The following MSRA variants were observed in gnomAD, a reference collection of about 807,000 sequenced individuals.
MSRA encodes the protein methionine sulfoxide reductase A, also known as mitochondrial peptide methionine sulfoxide reductase.
MSRA carries 54 observed loss-of-function variants against 31.3 expected under a neutral mutation model. The ratio of observed to expected loss-of-function variants is 1.73; its 90% CI spans 1.39 to 2.17. MSRA has a LOEUF of 2.17. Ranked by LOEUF, MSRA falls within the 30% of genes most tolerant of loss-of-function variation. The pLI is 0.00. For missense variants in MSRA, 507 were observed against 300.9 expected (o/e 1.69, Z -5.07); for synonymous variants, 169 against 116.5 (o/e 1.45, Z -2.90).
intron 1 of MSRA, among the ~76,000 whole-genome samples, chr8:10,200,658 G>A (rs112032667): frequency 6.6e-6 from 1 of 152,172 alleles, no homozygotes; most frequent in South Asian, 2.1e-4. Context: ...CCAGCACCAT[G>A]TTTGTCCCCA....
At chr8:10,327,719 G>A (rs1290358198) in intron 5 of MSRA, among the ~76,000 whole-genome samples, 3 of 152,164 alleles carry the variant, frequency 2.0e-5, no homozygotes, top group South Asian at 2.1e-4. Flanking sequence ...GGATCATAAG[G>A]TCAGGAGATC....
intron 1 of MSRA, among the ~76,000 whole-genome samples, chr8:10,062,270 A>G (rs1018710719): frequency 6.6e-6 from 1 of 152,314 alleles, no homozygotes; most frequent in South Asian, 2.1e-4. Context: ...CTCCTGTTTC[A>G]GCTGACATCG....
intron 2 of MSRA, among the ~76,000 whole-genome samples, chr8:10,222,677 C>T (rs1379925084): frequency 6.6e-6 from 1 of 152,120 alleles, no homozygotes; most frequent in Non-Finnish European, 1.5e-5. Context: ...GAAATCCTGT[C>T]GTTGGCAACA....
chr8:10,276,837 C>T (rs995374790), intron 3 of MSRA, among the ~76,000 whole-genome samples: 8 of 152,118 alleles, frequency 5.3e-5, no homozygotes, highest in Non-Finnish European at 8.8e-5. Flanking sequence ...CCCACCTCCC[C>T]GAGGTCTACA....
chr8:10,128,321 C>G (rs6601416), intron 1 of MSRA, among the ~76,000 whole-genome samples: 132,642 of 151,830 alleles, frequency 0.87, 58,172 homozygotes, highest in East Asian at 0.96. Flanking sequence ...GGAGGTTGCC[C>G]TGAGCCGAGA....
intron 1 of MSRA, among the ~76,000 whole-genome samples, chr8:10,068,780 T>TGG (rs1490261087): frequency 2.6e-5 from 4 of 152,186 alleles, no homozygotes; most frequent in African/African-American, 9.7e-5. Context: ...CCTTTCCATA[T>TGG]AAAGTTTAGA....
At chr8:10,368,016 G>A (rs1805264814) in intron 5 of MSRA, among the ~76,000 whole-genome samples, 1 of 152,174 alleles carries the variant, frequency 6.6e-6, no homozygotes, top group African/African-American at 2.4e-5. Flanking sequence ...GGGTTTCCAA[G>A]CAAGTGGAGC....
chr8:10,125,914 C>G (rs999623719), intron 1 of MSRA, among the ~76,000 whole-genome samples: 2 of 152,188 alleles, frequency 1.3e-5, no homozygotes, highest in African/African-American at 2.4e-5. Flanking sequence ...TAAGACAAAA[C>G]CACTAACTGC....
At chr8:10,111,457 C>T (rs530560672) in intron 1 of MSRA, among the ~76,000 whole-genome samples, 2 of 152,226 alleles carry the variant, frequency 1.3e-5, no homozygotes, top group Non-Finnish European at 2.9e-5. Context: ...AAATAGATTC[C>T]CAGGTTAACT....
At chr8:10,094,590 G>A (rs1051441509) in intron 1 of MSRA, among the ~76,000 whole-genome samples, 8 of 152,304 alleles carry the variant, frequency 5.3e-5, no homozygotes, top group Admixed American at 1.3e-4. Context: ...AAATTAGAAC[G>A]TGGCAGAATC....
At chr8:10,391,334 A>G (rs567288911) in intron 5 of MSRA, among the ~76,000 whole-genome samples, 1 of 152,308 alleles carries the variant, frequency 6.6e-6, no homozygotes, top group African/African-American at 2.4e-5. Flanking sequence ...AACTTAAGTC[A>G]GAGTTTCTTC....
intron 1 of MSRA, among the ~76,000 whole-genome samples, chr8:10,110,993 G>A (rs1447605559): frequency 6.6e-6 from 1 of 152,142 alleles, no homozygotes; most frequent in Non-Finnish European, 1.5e-5. Flanking sequence ...ACATTTTTAT[G>A]TAGGTTCTGT....
chr8:10,074,183 T>C (rs73526783), intron 1 of MSRA, among the ~76,000 whole-genome samples: 1 of 146,176 alleles, frequency 6.8e-6, no homozygotes, highest in African/African-American at 2.5e-5. Flanking sequence ...CCAGGGTTCA[T>C]ACCATTTTCC....
intron 2 of MSRA, among the ~76,000 whole-genome samples, chr8:10,229,679 T>C (rs1811300933): frequency 6.6e-6 from 1 of 152,166 alleles, no homozygotes; most frequent in African/African-American, 2.4e-5. Context: ...GTGAATAATA[T>C]TCTCTTTACT....
rs575715938 is a variant in MSRA at position 10,176,750 on chromosome 8, C to T, written c.143-31083C>T. Among the ~76,000 whole-genome samples, 5 of 152,342 alleles carry T rather than the reference C, an allele frequency of 3.3e-5. No individual in the cohort carries two copies. The South Asian group carries it at 1.0e-3, about 32-fold the overall frequency. ...TGGTTTACACAGGTCATAGGTCAAT[C>T]AATGCTGGAATGGGGGCTCAGAGCA... On this transcript the variant is annotated intron_variant, in intron 1 of 5. Transcript: ENST00000317173.
chr8:10,240,001 A>G (rs2975720), intron 2 of MSRA, among the ~76,000 whole-genome samples: 23,181 of 152,146 alleles, frequency 0.15, 2,383 homozygotes, highest in African/African-American at 0.29. Context: ...GTAAAATAAA[A>G]CAGGTGGAAA....
At chr8:10,061,453 A>T (rs996129791) in intron 1 of MSRA, among the ~76,000 whole-genome samples, 3 of 152,068 alleles carry the variant, frequency 2.0e-5, no homozygotes, top group African/African-American at 7.2e-5. Context: ...TACTGGACAA[A>T]TAGCTATGTA....
intron 5 of MSRA, among the ~76,000 whole-genome samples, chr8:10,386,171 C>G (rs6601451): frequency 0.48 from 73,156 of 151,982 alleles, 18,660 homozygotes; most frequent in African/African-American, 0.57. Context: ...ATGCAGTTCT[C>G]TGAGATATGT....
intron 3 of MSRA, among the ~76,000 whole-genome samples, chr8:10,256,154 C>A (rs531210157): frequency 4.8e-4 from 73 of 152,316 alleles, no homozygotes; most frequent in African/African-American, 1.8e-3. Context: ...CAACCCCTGG[C>A]AACTGCTGAT....
Sources: allele counts gnomAD v4.1 joint callset (sites outside exome capture counted in the v4.1 genomes callset), GRCh38; gene constraint gnomAD v4.1.1; transcripts MANE v1.5; gene names NCBI Gene and HGNC (gene_info 2026-07-23, HGNC 2026-07-21).